ARHGAP28: variants seen among roughly 807,000 people sequenced by gnomAD.
The protein encoded by ARHGAP28 is Rho GTPase activating protein 28.
In ARHGAP28, 56 loss-of-function variants were observed where a neutral mutation model predicts 90.7. The ratio of observed to expected loss-of-function variants is 0.62; its 90% CI spans 0.50 to 0.77. ARHGAP28 has a LOEUF of 0.77. Ranked by LOEUF, ARHGAP28 falls within the 30% of genes least tolerant of loss-of-function variation. The pLI is 0.00. For synonymous variants in ARHGAP28, 308 were observed against 323.3 expected (o/e 0.95, Z 0.51); for missense variants, 869 against 900.9 (o/e 0.96, Z 0.45).
intron 1 of ARHGAP28, among the ~76,000 whole-genome samples, chr18:6,783,256 T>G (rs2056339288): frequency 2.6e-5 from 4 of 152,046 alleles, no homozygotes; most frequent in South Asian, 4.1e-4. Flanking sequence ...TTTTTCCATG[T>G]CGCCCCCCTC....
At chr18:6,843,118 G>A (rs2056840062) in intron 3 of ARHGAP28, among the ~76,000 whole-genome samples, 1 of 152,064 alleles carries the variant, frequency 6.6e-6, no homozygotes, top group African/African-American at 2.4e-5. Context: ...ACAAAGAATA[G>A]TGTCTATTAA....
chr18:6,776,099 G>A (rs960790121), intron 1 of ARHGAP28, among the ~76,000 whole-genome samples: 1 of 152,120 alleles, frequency 6.6e-6, no homozygotes, highest in Non-Finnish European at 1.5e-5. Flanking sequence ...TTCTAAAGAC[G>A]AGTTTCTGGC....
At chr18:6,740,107 G>A (rs988907145) in intron 1 of ARHGAP28, among the ~76,000 whole-genome samples, 1 of 152,124 alleles carries the variant, frequency 6.6e-6, no homozygotes, top group African/African-American at 2.4e-5. Flanking sequence ...ACCTGCCTTG[G>A]CCTCCCAAAG....
At chr18:6,796,150 C>T (rs190260852) in intron 1 of ARHGAP28, among the ~76,000 whole-genome samples, 16 of 152,290 alleles carry the variant, frequency 1.1e-4, no homozygotes, top group East Asian at 3.9e-4. Context: ...CAGGCCTTAG[C>T]GGTAGACAAC....
intron 1 of ARHGAP28, among the ~76,000 whole-genome samples, chr18:6,792,588 A>G (rs2056414220): frequency 6.6e-6 from 1 of 152,220 alleles, no homozygotes; most frequent in African/African-American, 2.4e-5. Context: ...ACAGCATTCC[A>G]GAACACTTCC....
intron 1 of ARHGAP28, among the ~76,000 whole-genome samples, chr18:6,744,180 T>A (rs1486548631): frequency 6.6e-6 from 1 of 152,046 alleles, no homozygotes; most frequent in Admixed American, 6.5e-5. Context: ...CATGAGTTAG[T>A]AGGGGGGATT....
intron 1 of ARHGAP28, among the ~76,000 whole-genome samples, chr18:6,746,197 T>C (rs1186895840): frequency 6.6e-6 from 1 of 152,168 alleles, no homozygotes; most frequent in African/African-American, 2.4e-5. Flanking sequence ...CCTCTAATAG[T>C]GAGACTCCAG....
intron 1 of ARHGAP28, among the ~76,000 whole-genome samples, chr18:6,775,966 A>C (rs1338025422): frequency 6.6e-6 from 1 of 152,166 alleles, no homozygotes; most frequent in Non-Finnish European, 1.5e-5. Flanking sequence ...CTTCATTTTT[A>C]TGATCTTAAA....
intron 10 of ARHGAP28, among the ~76,000 whole-genome samples, chr18:6,877,052 G>C (rs2057136862): frequency 6.6e-6 from 1 of 152,162 alleles, no homozygotes; most frequent in Non-Finnish European, 1.5e-5. Flanking sequence ...CAGTCTCAGG[G>C]GCAGGGGAAA....
chr18:6,736,291 A>G (rs193106895), intron 1 of ARHGAP28, among the ~76,000 whole-genome samples: 28 of 150,948 alleles, frequency 1.9e-4, no homozygotes, highest in Non-Finnish European at 2.4e-4. Flanking sequence ...ATCAACAGTC[A>G]TTTAATCTAC....
At chr18:6,791,819 C>CT (rs369903224) in intron 1 of ARHGAP28, 3,621 of 146,110 alleles carry the variant, frequency 0.025, 137 homozygotes, top group African/African-American at 0.083. Context: ...CAGTTTTTTT[C>CT]TTTTTTTTTT....
At chr18:6,794,228 C>G (rs1203467829) in intron 1 of ARHGAP28, among the ~76,000 whole-genome samples, 1 of 152,204 alleles carries the variant, frequency 6.6e-6, no homozygotes, top group Non-Finnish European at 1.5e-5. Context: ...AATTAAGTTT[C>G]ATAACAGACT....
intron 1 of ARHGAP28, among the ~76,000 whole-genome samples, chr18:6,824,405 C>T (rs12959340): frequency 0.62 from 93,545 of 151,656 alleles, 30,221 homozygotes; most frequent in Non-Finnish European, 0.72. Context: ...GGCGTGGTGG[C>T]GGGCACCTGT....
chr18:6,885,439 C>A (rs1414986399), intron 11 of ARHGAP28, among the ~76,000 whole-genome samples: 1 of 152,098 alleles, frequency 6.6e-6, no homozygotes, highest in Non-Finnish European at 1.5e-5. Context: ...GAACACAGAG[C>A]CTTTTCCACT....
rs1407624446 is a variant in ARHGAP28, at chr18:6,890,528, G to T, written c.1833G>T (p.Lys611Asn). ...GTGTCAGGAAGCTGCTCAGGAGGAAGACCCTCGAGCGGGAGGTAAGACAGC... is the reference window on the plus strand; with the variant it reads ...GTGTCAGGAAGCTGCTCAGGAGGAATACCCTCGAGCGGGAGGTAAGACAGC... ...LPSVRKLLRR[K>N]TLERETASPK... The change falls in exon 14 of 18, where the codon AAG (lysine) becomes AAT (asparagine). Residue 611 changes from lysine (K) to asparagine (N), a missense_variant. Physicochemically the swap from Lys to Asn is moderately conservative, Grantham distance 94. Coordinates refer to ENST00000383472, the MANE Select transcript of ARHGAP28 (RefSeq NM_001366230.1). 5 of 1,610,482 alleles carry T rather than the reference G, an allele frequency of 3.1e-6. No homozygotes were observed. The highest frequency in any genetic ancestry group is 1.3e-5 in the African/African-American group (1 of 74,740).
At chr18:6,739,613 G>A (rs1260626153) in intron 1 of ARHGAP28, among the ~76,000 whole-genome samples, 1 of 150,064 alleles carries the variant, frequency 6.7e-6, no homozygotes, top group Non-Finnish European at 1.5e-5. Context: ...TAGACAAAAT[G>A]TTCTAGAGCA....
intron 1 of ARHGAP28, among the ~76,000 whole-genome samples, chr18:6,746,978 T>C (rs552064294): frequency 1.3e-5 from 2 of 152,234 alleles, no homozygotes; most frequent in East Asian, 3.9e-4. Flanking sequence ...TTTAAAATTA[T>C]ATATGTATGA....
At chr18:6,739,685 G>A (rs2055958695) in intron 1 of ARHGAP28, among the ~76,000 whole-genome samples, 1 of 146,086 alleles carries the variant, frequency 6.8e-6, no homozygotes, top group African/African-American at 2.7e-5. Flanking sequence ...CTTTCAGAAG[G>A]AGGGCAGGTT....
chr18:6,839,443 G>C (rs567548048), intron 3 of ARHGAP28, among the ~76,000 whole-genome samples: 4 of 152,010 alleles, frequency 2.6e-5, no homozygotes, highest in South Asian at 2.1e-4. Flanking sequence ...ATAGGCGCCA[G>C]CCACCACGCC....
Sources: gnomAD v4.1 joint callset for allele counts (sites outside exome capture counted in the v4.1 genomes callset) on GRCh38, gnomAD v4.1.1 for gene constraint, MANE v1.5 for transcripts, NCBI Gene and HGNC (gene_info 2026-07-23, HGNC 2026-07-21) for gene names.